SHTN1: variants seen among roughly 807,000 people sequenced by gnomAD.
SHTN1 encodes shootin-1.
Under a neutral mutation model 83.1 loss-of-function variants are expected in SHTN1, and 42 were observed. The ratio of observed to expected loss-of-function variants is 0.51; its 90% confidence interval spans 0.39 to 0.65. The LOEUF (loss-of-function observed/expected upper bound fraction) is 0.65. Among genes scored for constraint, SHTN1 ranks in the 30% least tolerant of loss-of-function variants. SHTN1 has a pLI of 0.00. For missense variants in SHTN1, 622 were observed against 737.8 expected (o/e 0.84, Z 1.82); for synonymous variants, 224 against 247.7 (o/e 0.90, Z 0.90).
upstream of SHTN1, among the ~76,000 whole-genome samples, chr10:117,008,606 G>A (rs779258867): frequency 2.0e-5 from 3 of 152,160 alleles, no homozygotes; most frequent in African/African-American, 7.2e-5. Context: ...ACCAGATATT[G>A]TATGATTGCA....
At chr10:116,889,741 AG>A (rs1320715759) in intron 16 of SHTN1, among the ~76,000 whole-genome samples, 2 of 152,190 alleles carry the variant, frequency 1.3e-5, no homozygotes, top group Non-Finnish European at 1.5e-5. Flanking sequence ...GCTACAGGCT[AG>A]TTTTTGGCAT....
chr10:116,938,130 G>GT (rs1331981806), intron 9 of SHTN1, among the ~76,000 whole-genome samples: 2 of 151,862 alleles, frequency 1.3e-5, no homozygotes, highest in Non-Finnish European at 2.9e-5. Flanking sequence ...ACTCGGAGGA[G>GT]TTTGTTATTA....
At chr10:117,091,627 T>G (rs770537226) in intron 1 of SHTN1, among the ~76,000 whole-genome samples, 1 of 152,156 alleles carries the variant, frequency 6.6e-6, no homozygotes, top group Non-Finnish European at 1.5e-5. Flanking sequence ...GTAAGCACAA[T>G]CCAAAGGCTT....
intron 1 of SHTN1, among the ~76,000 whole-genome samples, chr10:117,099,302 T>C (rs548532830): frequency 6.6e-6 from 1 of 151,924 alleles, no homozygotes; most frequent in African/African-American, 2.4e-5. Context: ...GGTGACGGGG[T>C]GCACTAAAAT....
rs1589771292 is a variant in SHTN1, at chr10:116,885,373, G to T, written c.*971C>A. ...TGCATAAGTTTTTTTTTTAATCCCT[G>T]ATTACATTTCTATTTATTCACTGTG... is the stretch of plus-strand genomic sequence containing the variant. On this transcript the variant is annotated 3_prime_UTR_variant, in exon 17 of 17. Coordinates refer to ENST00000355371, the MANE Select transcript of SHTN1 (RefSeq NM_001127211.3). 1 of 151,664 alleles carries T rather than the reference G, an allele frequency of 6.6e-6. No homozygotes were observed. The highest frequency in any genetic ancestry group is 1.9e-4 in the East Asian group (1 of 5,178). 9.4% of individuals were successfully genotyped at this position (151,664 alleles called of 1,614,324 possible).
At chr10:117,056,727 CT>C (rs1446277478) in intron 1 of SHTN1, among the ~76,000 whole-genome samples, 1 of 152,172 alleles carries the variant, frequency 6.6e-6, no homozygotes, top group Admixed American at 6.5e-5. Context: ...AGGAGAATCA[CT>C]TGAACCCAGG....
At chr10:116,931,243 C>CGTTTTT (rs963433222) in intron 9 of SHTN1, among the ~76,000 whole-genome samples, 27 of 149,540 alleles carry the variant, frequency 1.8e-4, no homozygotes, top group Admixed American at 1.3e-3. Flanking sequence ...TGTTTTGTTT[C>CGTTTTT]GTTTTTGTTT....
intron 13 of SHTN1, 47 bp downstream of exon 13, chr10:116,915,328 A>G (rs761554016): frequency 9.7e-7 from 1 of 1,027,376 alleles, no homozygotes. Flanking sequence ...TATACATTTA[A>G]AAAAGGAAAT....
At chr10:117,047,251 G>A (rs978622522) in intron 2 of SHTN1, among the ~76,000 whole-genome samples, 1 of 152,010 alleles carries the variant, frequency 6.6e-6, no homozygotes, top group South Asian at 2.1e-4. Context: ...ATTTTTGGTA[G>A]AGGTGAGGTT....
At chr10:117,025,662 TGAGGA>T (rs757722115) in intron 2 of SHTN1, among the ~76,000 whole-genome samples, 32 of 152,076 alleles carry the variant, frequency 2.1e-4, no homozygotes, top group East Asian at 1.7e-3. Flanking sequence ...TCCCACCGCT[TGAGGA>T]GAGGAGAGGA....
intron 4 of SHTN1, among the ~76,000 whole-genome samples, 163 bp downstream of exon 4, chr10:116,959,973 A>C (rs565697330): frequency 6.6e-6 from 1 of 152,350 alleles, no homozygotes; most frequent in South Asian, 2.1e-4. Context: ...GAATATTTAC[A>C]TAATCATATT....
chr10:116,972,979 G>C (rs554978775), intron 2 of SHTN1, among the ~76,000 whole-genome samples: 1 of 152,166 alleles, frequency 6.6e-6, no homozygotes, highest in Non-Finnish European at 1.5e-5. Context: ...CCTGGCTTCT[G>C]AAACTAAACC....
At chr10:117,096,223 TAACTC>T (rs1176612180) in intron 1 of SHTN1, among the ~76,000 whole-genome samples, 1 of 152,152 alleles carries the variant, frequency 6.6e-6, no homozygotes, top group Admixed American at 6.5e-5. Flanking sequence ...AAAACAAAAG[TAACTC>T]AACTTCTCTC....
chr10:116,991,185 C>CA (rs1253043561), intron 1 of SHTN1, among the ~76,000 whole-genome samples: 3 of 146,932 alleles, frequency 2.0e-5, no homozygotes, highest in African/African-American at 4.9e-5. Context: ...GACTCCGTCT[C>CA]AAAAAAGAAA....
At chr10:117,011,017 C>A (rs950710694) in intron 2 of SHTN1, among the ~76,000 whole-genome samples, 4 of 152,128 alleles carry the variant, frequency 2.6e-5, no homozygotes, top group African/African-American at 9.7e-5. Flanking sequence ...AGGAACGAGA[C>A]AAGAATATGT....
At chr10:117,121,412 T>C (rs1252455272) in intron 1 of SHTN1, among the ~76,000 whole-genome samples, 1 of 151,578 alleles carries the variant, frequency 6.6e-6, no homozygotes, top group African/African-American at 2.4e-5. Flanking sequence ...ACTCTGCCTC[T>C]ACTAAAAATA....
intron 1 of SHTN1, among the ~76,000 whole-genome samples, chr10:116,992,540 C>T (rs1404051182): frequency 6.6e-6 from 1 of 152,182 alleles, no homozygotes; most frequent in Non-Finnish European, 1.5e-5. Flanking sequence ...ACTAATTACC[C>T]TAGGCCTCTA....
intron 1 of SHTN1, among the ~76,000 whole-genome samples, chr10:116,985,957 T>C (rs1458393349): frequency 1.3e-5 from 2 of 152,192 alleles, no homozygotes; most frequent in Non-Finnish European, 2.9e-5. Flanking sequence ...ATAGAAAATC[T>C]GATCAAAAAA....
At chr10:117,058,922 T>C (rs1284761495) in intron 1 of SHTN1, among the ~76,000 whole-genome samples, 5 of 152,154 alleles carry the variant, frequency 3.3e-5, no homozygotes, top group African/African-American at 4.8e-5. Flanking sequence ...TCATATGAGA[T>C]ACCTAGATAG....
Sources: gnomAD v4.1 joint callset for allele counts (sites outside exome capture counted in the v4.1 genomes callset) on GRCh38, gnomAD v4.1.1 for gene constraint, MANE v1.5 for transcripts, NCBI Gene and HGNC (gene_info 2026-07-23, HGNC 2026-07-21) for gene names.